Variants in TPM4 observed in about 807,000 individuals in gnomAD.
TPM4 encodes the protein tropomyosin alpha-4 chain.
Under a neutral mutation model 35.8 loss-of-function variants are expected in TPM4, and 17 were observed. The observed-to-expected ratio is 0.47, with a 90% CI of 0.32 to 0.71. The LOEUF (loss-of-function observed/expected upper bound fraction) is 0.71. Ranked by LOEUF, TPM4 falls within the 30% of genes least tolerant of loss-of-function variation. TPM4 has a pLI of 0.03. For synonymous variants in TPM4, 120 were observed against 122.9 expected (o/e 0.98, Z 0.15); for missense variants, 240 against 320.9 (o/e 0.75, Z 1.93).
At chr19:16,093,791 CT>C (rs750682482) in intron 7 of TPM4, 38 bp downstream of exon 7, 2 of 1,609,628 alleles carry the variant, frequency 1.2e-6, no homozygotes, top group Non-Finnish European at 1.7e-6. Flanking sequence ...CTTGCCCTGC[CT>C]TCCCCTCTGG....
chr19:16,076,714 CG>C lies in TPM4; in HGVS notation c.132+20del. The C allele has an allele frequency of 7.6e-7, 1 of 1,322,832 alleles. No individual in the cohort carries two copies. Among genetic ancestry groups the C allele is most frequent in the Non-Finnish European group, 9.6e-7 (1 of 1,037,368 alleles). 81.9% of individuals were successfully genotyped at this position (1,322,832 alleles called of 1,614,324 possible). A position where few individuals can be genotyped will look rare whatever the true frequency, so the allele number is the denominator to read the frequency against. On this transcript the variant is annotated intron_variant, in intron 1 of 7. Coordinates refer to ENST00000643579, the MANE Select transcript of TPM4 (RefSeq NM_003290.3). Reference sequence around the variant, plus strand: ...CGCGAGAAAGTGAGCGCCCCGGCCTCGGGCCCCGCACCCGCAGCCTCCTCCC... The same window carrying C: ...CGCGAGAAAGTGAGCGCCCCGGCCTCGGCCCCGCACCCGCAGCCTCCTCCC...
intron 1 of TPM4, 73 bp from the exon 2 acceptor site, chr19:16,081,840 A>C: frequency 6.8e-7 from 1 of 1,480,708 alleles, no homozygotes; most frequent in Non-Finnish European, 9.1e-7. Flanking sequence ...AACAGAGGGC[A>C]GGACATGGGG....
chr19:16,095,426 C>A, intron 7 of TPM4: 1 of 1,029,994 alleles, frequency 9.7e-7, no homozygotes, highest in Non-Finnish European at 1.2e-6. Flanking sequence ...GCTCCGGTGG[C>A]CTGCCTTCTG....
intron 1 of TPM4, 137 bp from the exon 2 acceptor site, chr19:16,081,776 T>G: frequency 8.3e-7 from 1 of 1,209,066 alleles, no homozygotes; most frequent in Non-Finnish European, 1.1e-6. Flanking sequence ...GGTATGAGTG[T>G]AAATTCCCTA....
intron 2 of TPM4, among the ~76,000 whole-genome samples, chr19:16,083,793 C>T (rs115162960): frequency 0.013 from 1,873 of 140,388 alleles, 36 homozygotes; most frequent in African/African-American, 0.047. Flanking sequence ...GGGTCTTACT[C>T]TATCACCCAG....
intron 4 of TPM4, chr19:16,088,844 T>A: frequency 7.3e-7 from 1 of 1,375,424 alleles, no homozygotes. Context: ...ACCTCGCCTC[T>A]GCCTGGTATG....
At chr19:16,096,970 T>TTTTTTA (rs2090707896) in intron 7 of TPM4, among the ~76,000 whole-genome samples, 2 of 106,370 alleles carry the variant, frequency 1.9e-5, no homozygotes, top group Non-Finnish European at 1.9e-5. Flanking sequence ...TTTTTTTTTT[T>TTTTTTA]CAAGACAGGG....
At chr19:16,096,423 G>A (rs1490830843) in intron 7 of TPM4, among the ~76,000 whole-genome samples, 1 of 152,142 alleles carries the variant, frequency 6.6e-6, no homozygotes, top group East Asian at 1.9e-4. Flanking sequence ...CTTGTAAACC[G>A]CTTAGGCAGC....
Position 16,093,685 on chromosome 19 carries a change from C to A in TPM4, c.596C>A (p.Ala199Asp), listed in dbSNP as rs769293419. The A allele has an allele frequency of 6.2e-7, 1 of 1,614,200 alleles. No individual in the cohort carries two copies. The highest frequency in any genetic ancestry group is 1.1e-5 in the South Asian group (1 of 91,086). Residue 199 changes from alanine (A) to aspartate (D), a missense_variant and splice_region_variant, in exon 7 of 8, where the codon GCT (alanine) becomes GAT (aspartate). By Grantham distance (126) the Ala-to-Asp change is moderately radical. Coordinates refer to ENST00000643579, the MANE Select transcript of TPM4 (RefSeq NM_003290.3). ...AGTAACTCCTTTCTTCTTATCTAGG[C>A]TGAGACCCGTGCTGAATTTGCAGAG... ...IKLLSDKLKE[A>D]ETRAEFAERT...
In TPM4 at chr19:16,102,189, A is replaced by C. The variant is rs1294618636; in HGVS notation, c.*843A>C. 3 of 187,006 alleles carry C rather than the reference A, an allele frequency of 1.6e-5. No homozygotes were observed. The highest frequency in any genetic ancestry group is 7.0e-5 in the African/African-American group (3 of 42,704). 11.6% of individuals were successfully genotyped at this position (187,006 alleles called of 1,614,324 possible). On this transcript the variant is annotated 3_prime_UTR_variant, in exon 8 of 8. Coordinates refer to ENST00000643579, the MANE Select transcript of TPM4 (RefSeq NM_003290.3). ...TGGCGAAACCATGTCTCTACTAAAAATACAAAAATTATGGTGACGCCTGCC... is the reference window on the plus strand; with the variant it reads ...TGGCGAAACCATGTCTCTACTAAAACTACAAAAATTATGGTGACGCCTGCC...
intron 1 of TPM4, 114 bp downstream of exon 1, chr19:16,076,811 C>T (rs1039213048): frequency 4.8e-6 from 6 of 1,259,992 alleles, no homozygotes; most frequent in Non-Finnish European, 6.0e-6. Context: ...CGCCTTTTTA[C>T]GCCCTCGGAC....
At chr19:16,078,299 A>T in intron 1 of TPM4, 1 of 368,562 alleles carries the variant, frequency 2.7e-6, no homozygotes, top group Non-Finnish European at 4.8e-6. Flanking sequence ...AAGTTGTATG[A>T]TGAGGGTGGG....
In TPM4 at chr19:16,070,621, T is replaced by G. The variant is rs1467707212; in HGVS notation, c.114+2883T>G. Among the ~76,000 whole-genome samples, 1 of 152,170 alleles carries G rather than the reference T, an allele frequency of 6.6e-6. No homozygotes were observed. Among genetic ancestry groups the G allele is most frequent in the African/African-American group, 2.4e-5 (1 of 41,440 alleles). On this transcript the variant is annotated intron_variant, in intron 2 of 2. Transcript: ENST00000589897. The surrounding 1 kb of genome is among the most constrained non-coding windows in gnomAD (Gnocchi z 7.4). Reference sequence around the variant, plus strand: ...ACGGAAGTGACAGTAGGGCCTCCCTTGCCACCCCATGACAGGATTAGAGGT... The same window carrying G: ...ACGGAAGTGACAGTAGGGCCTCCCTGGCCACCCCATGACAGGATTAGAGGT...
At chr19:16,096,936 C>CTTTTTTTTTTTTTTTTTTT in intron 7 of TPM4, among the ~76,000 whole-genome samples, 1 of 69,050 alleles carries the variant, frequency 1.4e-5, no homozygotes. Flanking sequence ...CAAGGTCACT[C>CTTTTTTTTTTTTTTTTTTT]TTTTTTTTTT....
In TPM4 at chr19:16,076,591, C is replaced by T. The variant is rs991776474; in HGVS notation, c.26C>T (p.Ala9Val). Reference sequence around the variant, plus strand: ...ATGGCCGGCCTCAACTCCCTGGAGGCGGTGAAACGCAAGATCCAGGCCCTG... The same window carrying T: ...ATGGCCGGCCTCAACTCCCTGGAGGTGGTGAAACGCAAGATCCAGGCCCTG... MAGLNSLE[A>V]VKRKIQALQQ... Residue 9 changes from alanine to valine, a missense_variant, in exon 1 of 8, where the codon GCG (alanine) becomes GTG (valine). Physicochemically the swap from Ala to Val is moderately conservative, Grantham distance 64 (BLOSUM62 0). Transcript: ENST00000643579. 4.8e-5 allele frequency: 70 copies of T among 1,470,236 alleles called. No individual in the cohort carries two copies. The highest frequency in any genetic ancestry group is 6.3e-5 in the Non-Finnish European group (70 of 1,117,892). 91.1% of individuals were successfully genotyped at this position (1,470,236 alleles called of 1,614,324 possible).
intron 1 of TPM4, among the ~76,000 whole-genome samples, chr19:16,078,844 A>AAAAC (rs1025298817): frequency 2.0e-5 from 3 of 151,768 alleles, no homozygotes; most frequent in Non-Finnish European, 2.9e-5. Context: ...AAAAAAAAAA[A>AAAAC]AAAAACCTTT....
At chr19:16,081,843 A>G in intron 1 of TPM4, 70 bp from the exon 2 acceptor site, 1 of 1,498,818 alleles carries the variant, frequency 6.7e-7, no homozygotes. Context: ...AGAGGGCAGG[A>G]CATGGGGGAG....
rs775112748 is a variant in TPM4 at position 16,093,597 on chromosome 19, A to C, written c.593A>C (p.Glu198Ala). The C allele has an allele frequency of 2.5e-6, 4 of 1,614,204 alleles. No individual in the cohort carries two copies. The highest frequency in any genetic ancestry group is 2.5e-6 in the Non-Finnish European group (3 of 1,180,036). ...AAACTTCTGTCTGACAAACTGAAAG[A>C]GGTGAGTGTGGTGGCACCCAGCGAG... ...EIKLLSDKLKEAETRAEFAER... is the reference protein window; with the variant it reads ...EIKLLSDKLKAAETRAEFAER... Residue 198 changes from glutamate (E) to alanine (A), a missense_variant and splice_region_variant, in exon 6 of 8, where the codon GAG (glutamate) becomes GCG (alanine). Coordinates refer to ENST00000643579, the MANE Select transcript of TPM4 (RefSeq NM_003290.3).
chr19:16,101,187 A>G (rs894388677), intron 7 of TPM4, 77 bp from the exon 8 acceptor site: 2 of 1,288,128 alleles, frequency 1.6e-6, no homozygotes, highest in African/African-American at 3.0e-5. Flanking sequence ...AAGAAAAAAA[A>G]ACAAATCTTT....
Sources: gnomAD v4.1 joint callset for allele counts (sites outside exome capture counted in the v4.1 genomes callset) on GRCh38, gnomAD v4.1.1 for gene constraint, Gnocchi (gnomAD v3.1) non-coding constraint, MANE v1.5 for transcripts, NCBI Gene and HGNC (gene_info 2026-07-23, HGNC 2026-07-21) for gene names.